The following SGCZ variants were observed in gnomAD, a reference collection of about 807,000 sequenced individuals.
The protein encoded by SGCZ is zeta-sarcoglycan.
Under a neutral mutation model 41.3 loss-of-function variants are expected in SGCZ, and 40 were observed. The ratio of observed to expected loss-of-function variants is 0.97; its 90% CI spans 0.75 to 1.26. The LOEUF (loss-of-function observed/expected upper bound fraction) is 1.26. Ranked by LOEUF, SGCZ falls within the 50% of genes most tolerant of loss-of-function variation. The pLI is 0.00. For missense variants in SGCZ, 552 were observed against 369.8 expected (o/e 1.49, Z -4.04); for synonymous variants, 206 against 137.5 (o/e 1.50, Z -3.49).
intron 1 of SGCZ, among the ~76,000 whole-genome samples, chr8:14,856,898 G>A (rs116071289): frequency 6.6e-6 from 1 of 152,126 alleles, no homozygotes; most frequent in South Asian, 2.1e-4. Context: ...CTAAGACTGA[G>A]TCAACAGTCA....
chr8:15,155,741 A>G (rs890008962), intron 1 of SGCZ, among the ~76,000 whole-genome samples: 1 of 152,206 alleles, frequency 6.6e-6, no homozygotes, highest in African/African-American at 2.4e-5. Flanking sequence ...GATTTGCAGA[A>G]AAAATGTATA....
chr8:14,631,094 T>C (rs1806636576), intron 1 of SGCZ, among the ~76,000 whole-genome samples: 1 of 152,080 alleles, frequency 6.6e-6, no homozygotes, highest in African/African-American at 2.4e-5. Context: ...TTGGCTTGCT[T>C]TCCTATTTTC....
Position 14,995,085 on chromosome 8 carries a change from C to G in SGCZ, c.39+242500G>C, listed in dbSNP as rs540708393. 3.5e-4 allele frequency among the ~76,000 whole-genome samples: 53 copies of G among 152,364 alleles called. No homozygotes were observed. In the South Asian group the frequency reaches 0.011, roughly 32 times the overall value. On this transcript the variant is annotated intron_variant, in intron 1 of 7. Transcript: ENST00000382080. The stretch of plus-strand genomic sequence containing the variant: ...CATACTGTTTGAAGTCCAGGGAGGT[C>G]TCTAGGAGAAATGCTTGCAGAAGTC...
intron 1 of SGCZ, among the ~76,000 whole-genome samples, chr8:15,026,279 C>T (rs1803454913): frequency 6.6e-6 from 1 of 151,978 alleles, no homozygotes; most frequent in Admixed American, 6.6e-5. Context: ...GAAAGAAATA[C>T]CTAGGATGAT....
chr8:15,107,517 C>T (rs1806877174), intron 1 of SGCZ, among the ~76,000 whole-genome samples: 1 of 152,110 alleles, frequency 6.6e-6, no homozygotes, highest in South Asian at 2.1e-4. Flanking sequence ...TCCTTGTCTC[C>T]GTACATACCC....
intron 1 of SGCZ, among the ~76,000 whole-genome samples, chr8:14,669,534 T>A (rs1416175918): frequency 6.6e-6 from 1 of 152,130 alleles, no homozygotes; most frequent in Non-Finnish European, 1.5e-5. Flanking sequence ...TCTATGAGTA[T>A]AACAACATAG....
At chr8:14,794,826 G>A (rs1314295056) in intron 1 of SGCZ, among the ~76,000 whole-genome samples, 5 of 152,174 alleles carry the variant, frequency 3.3e-5, no homozygotes, top group Non-Finnish European at 1.5e-5. Flanking sequence ...GCATTGAAAT[G>A]CCCTCAGATT....
intron 1 of SGCZ, among the ~76,000 whole-genome samples, chr8:14,742,840 A>T (rs1221172018): frequency 6.6e-6 from 1 of 152,110 alleles, no homozygotes; most frequent in African/African-American, 2.4e-5. Context: ...CTTTACCTTT[A>T]TCACAATGTT....
At chr8:14,554,500 T>C (rs944419730) in intron 2 of SGCZ, among the ~76,000 whole-genome samples, 1 of 152,060 alleles carries the variant, frequency 6.6e-6, no homozygotes, top group African/African-American at 2.4e-5. Flanking sequence ...TGTGCTGTAC[T>C]GTCTCGTGAT....
At chr8:14,891,306 G>A (rs1805009058) in intron 1 of SGCZ, among the ~76,000 whole-genome samples, 1 of 152,208 alleles carries the variant, frequency 6.6e-6, no homozygotes, top group African/African-American at 2.4e-5. Flanking sequence ...TTCATGAAAG[G>A]AGGTCAAAAT....
In SGCZ at chr8:14,659,661, T is replaced by C. The variant is rs1048618578; in HGVS notation, c.40-104735A>G. Among the ~76,000 whole-genome samples the C allele has an allele frequency of 4.6e-5, 7 of 152,174 alleles. No homozygotes were observed. The East Asian group carries it at 1.2e-3, about 25-fold the overall frequency. On this transcript the variant is annotated intron_variant, in intron 1 of 7. Coordinates refer to ENST00000382080, the MANE Select transcript of SGCZ (RefSeq NM_139167.4). ...GGTCTTGGAAACCCCCTTTTATCTA[T>C]GGCTTTTGGTGAAATCAACCAATTG...
intron 1 of SGCZ, among the ~76,000 whole-genome samples, chr8:14,621,391 C>T (rs1186700781): frequency 6.6e-6 from 1 of 151,164 alleles, no homozygotes; most frequent in East Asian, 1.9e-4. Context: ...ACATATGTAA[C>T]AAACCTGCAC....
At chr8:14,278,311 T>A (rs1227389922) in intron 3 of SGCZ, among the ~76,000 whole-genome samples, 1 of 152,174 alleles carries the variant, frequency 6.6e-6, no homozygotes, top group Non-Finnish European at 1.5e-5. Context: ...TTTGTGTACC[T>A]TTTTCTCCTA....
intron 1 of SGCZ, among the ~76,000 whole-genome samples, chr8:14,661,001 A>G (rs1807729026): frequency 6.6e-6 from 1 of 152,172 alleles, no homozygotes; most frequent in Admixed American, 6.6e-5. Context: ...ATTAATAAAT[A>G]CTATTGTGAC....
chr8:14,203,244 T>TAAAG (rs1805514152), intron 4 of SGCZ, among the ~76,000 whole-genome samples: 1 of 152,210 alleles, frequency 6.6e-6, no homozygotes, highest in South Asian at 2.1e-4. Flanking sequence ...TTTCAATCTA[T>TAAAG]AAAGACACAT....
Position 15,165,565 on chromosome 8 carries a change from G to C in SGCZ, c.39+72020C>G, listed in dbSNP as rs10481432. Among the ~76,000 whole-genome samples, 1,445 of 152,254 alleles carry C rather than the reference G, an allele frequency of 9.5e-3. 22 individuals carry two copies. The highest frequency in any genetic ancestry group is 0.028 in the African/African-American group (1,170 of 41,530). On this transcript the variant is annotated intron_variant, in intron 1 of 7. Transcript: ENST00000382080. ...CCCGCAACTAAGAAGCCATACCTTG[G>C]CTGCAGTTAGCACACAATTAAAGCA...
chr8:15,050,629 T>C (rs1048063237), intron 1 of SGCZ, among the ~76,000 whole-genome samples: 1 of 152,112 alleles, frequency 6.6e-6, no homozygotes, highest in Non-Finnish European at 1.5e-5. Context: ...TTGAGAGTTT[T>C]CAACATGGAG....
intron 1 of SGCZ, among the ~76,000 whole-genome samples, chr8:15,047,248 C>T (rs1306931187): frequency 2.0e-5 from 3 of 152,012 alleles, no homozygotes; most frequent in Non-Finnish European, 4.4e-5. Context: ...AGAAAAAGTA[C>T]ATCGGATAAA....
chr8:14,732,536 A>G (rs1003324957), intron 1 of SGCZ, among the ~76,000 whole-genome samples: 1 of 152,202 alleles, frequency 6.6e-6, no homozygotes, highest in Admixed American at 6.5e-5. Flanking sequence ...TCCCACCTGC[A>G]GCTGTCAGGA....
Sources: gnomAD v4.1 joint callset for allele counts (sites outside exome capture counted in the v4.1 genomes callset) on GRCh38, gnomAD v4.1.1 for gene constraint, MANE v1.5 for transcripts, NCBI Gene and HGNC (gene_info 2026-07-23, HGNC 2026-07-21) for gene names.